NELL1: variants seen among roughly 807,000 people sequenced by gnomAD.
NELL1 encodes neural EGFL like 1.
NELL1 carries 76 observed loss-of-function variants against 107.4 expected under a neutral mutation model. That is an observed-to-expected ratio of 0.71 (90% CI 0.59 to 0.86). The LOEUF is 0.86. Ranked by LOEUF, NELL1 falls within the 40% of genes least tolerant of loss-of-function variation. The probability of loss-of-function intolerance (pLI) is 0.00; values close to 1 mark genes in which losing one functional copy is unlikely to be tolerated. For synonymous variants in NELL1, 353 were observed against 341.2 expected (o/e 1.03, Z -0.38); for missense variants, 1,024 against 1,005.5 (o/e 1.02, Z -0.25).
At chr11:20,870,577 A>T (rs572843083) in intron 4 of NELL1, among the ~76,000 whole-genome samples, 4 of 152,274 alleles carry the variant, frequency 2.6e-5, no homozygotes, top group East Asian at 3.9e-4. Flanking sequence ...GACATGGGCC[A>T]TTATAGTTTA....
At chr11:20,868,407 C>T (rs1849134051) in intron 4 of NELL1, among the ~76,000 whole-genome samples, 1 of 151,892 alleles carries the variant, frequency 6.6e-6, no homozygotes, top group Admixed American at 6.6e-5. Flanking sequence ...AAAGTTATTG[C>T]TTAATGGTTA....
intron 15 of NELL1, among the ~76,000 whole-genome samples, chr11:21,460,317 AG>A (rs1853868579): frequency 6.6e-6 from 1 of 152,104 alleles, no homozygotes; most frequent in South Asian, 2.1e-4. Flanking sequence ...GACTATCCTA[AG>A]GTGCCCTGGG....
intron 12 of NELL1, among the ~76,000 whole-genome samples, chr11:21,000,206 G>A (rs1023278391): frequency 6.6e-6 from 1 of 151,842 alleles, no homozygotes. Flanking sequence ...CACGGCACAT[G>A]TATACATATG....
At chr11:21,315,749 C>A (rs948941290) in intron 14 of NELL1, among the ~76,000 whole-genome samples, 2 of 152,122 alleles carry the variant, frequency 1.3e-5, no homozygotes, top group African/African-American at 4.8e-5. Flanking sequence ...TAATCAACAG[C>A]ATTTTCCCCC....
At chr11:21,457,244 G>A (rs1214702351) in intron 15 of NELL1, among the ~76,000 whole-genome samples, 1 of 152,124 alleles carries the variant, frequency 6.6e-6, no homozygotes, top group East Asian at 1.9e-4. Flanking sequence ...TTGGTGAAAT[G>A]TGTGGTGTTG....
chr11:20,947,356 T>A lies in NELL1; in HGVS notation c.1092T>A (p.Ile364=), dbSNP rs771361204. Residue 364 remains isoleucine, a synonymous_variant, in exon 11 of 20, where the codon ATT becomes ATA. Transcript: ENST00000357134. ...RECRGGVLVK[I]TEMCPPLNCS... is the part of the protein sequence containing the mutation. ...TCCAGGGTGGAGTTTTAGTAAAAATTACAGAAATGTGTCCTCCTTTGAACT... is the reference window on the plus strand; with the variant it reads ...TCCAGGGTGGAGTTTTAGTAAAAATAACAGAAATGTGTCCTCCTTTGAACT... The A allele has an allele frequency of 5.6e-6, 9 of 1,613,968 alleles. No individual in the cohort carries two copies. In the East Asian group the frequency reaches 2.0e-4, roughly 36 times the overall value.
At chr11:21,067,514 C>A (rs1853905483) in intron 12 of NELL1, among the ~76,000 whole-genome samples, 1 of 152,068 alleles carries the variant, frequency 6.6e-6, no homozygotes, top group Admixed American at 6.6e-5. Context: ...AGAGGAATAT[C>A]TTCAGAAATG....
chr11:20,808,407 C>T (rs1857428786), intron 3 of NELL1, among the ~76,000 whole-genome samples: 1 of 152,204 alleles, frequency 6.6e-6, no homozygotes. Flanking sequence ...GTCCTCTTCA[C>T]TCTTCCATTT....
chr11:21,510,777 T>C (rs1855415939), intron 15 of NELL1, among the ~76,000 whole-genome samples: 1 of 152,236 alleles, frequency 6.6e-6, no homozygotes, highest in African/African-American at 2.4e-5. Context: ...TCTTCTTCTA[T>C]AATATGTGAC....
chr11:21,061,627 C>A (rs1853743420), intron 12 of NELL1, among the ~76,000 whole-genome samples: 1 of 151,826 alleles, frequency 6.6e-6, no homozygotes, highest in Admixed American at 6.6e-5. Context: ...CAATTTGGTG[C>A]TGTGCTCAAG....
At chr11:21,236,083 C>T (rs931538917) in intron 14 of NELL1, among the ~76,000 whole-genome samples, 3 of 152,068 alleles carry the variant, frequency 2.0e-5, no homozygotes, top group Non-Finnish European at 4.4e-5. Flanking sequence ...GGCCCTTTCC[C>T]TCTCCTTGGG....
intron 12 of NELL1, among the ~76,000 whole-genome samples, chr11:20,966,916 C>A (rs1851398350): frequency 6.8e-6 from 1 of 147,824 alleles, no homozygotes; most frequent in African/African-American, 2.5e-5. Flanking sequence ...AAATTCAAAT[C>A]CTGGTTATTT....
At chr11:21,251,598 A>G (rs1858640074) in intron 14 of NELL1, among the ~76,000 whole-genome samples, 1 of 151,974 alleles carries the variant, frequency 6.6e-6, no homozygotes, top group South Asian at 2.1e-4. Context: ...GGGCAGCACT[A>G]GATCCACCAG....
intron 12 of NELL1, among the ~76,000 whole-genome samples, chr11:21,006,221 C>A (rs1420615174): frequency 6.6e-6 from 1 of 151,910 alleles, no homozygotes; most frequent in Non-Finnish European, 1.5e-5. Flanking sequence ...GAGGTGGAGG[C>A]TTTGGAAGGT....
At chr11:20,905,850 G>A (rs540145196) in intron 5 of NELL1, among the ~76,000 whole-genome samples, 24 of 152,088 alleles carry the variant, frequency 1.6e-4, no homozygotes, top group Non-Finnish European at 2.9e-4. Context: ...GGAGAAGATA[G>A]AAAGTACTGG....
At chr11:21,284,137 C>T (rs903111165) in intron 14 of NELL1, 15 of 422,704 alleles carry the variant, frequency 3.5e-5, no homozygotes, top group African/African-American at 1.2e-4. Context: ...TGAAGAGTAG[C>T]GTTAAAACTG....
chr11:20,874,437 A>G (rs1041107692), intron 4 of NELL1, among the ~76,000 whole-genome samples: 10 of 152,198 alleles, frequency 6.6e-5, no homozygotes, highest in African/African-American at 2.2e-4. Context: ...TTACACCTGG[A>G]TTTGAATTTA....
At chr11:21,295,581 G>T (rs910092678) in intron 14 of NELL1, among the ~76,000 whole-genome samples, 3 of 151,988 alleles carry the variant, frequency 2.0e-5, no homozygotes, top group African/African-American at 7.2e-5. Context: ...AGCCAGTTCT[G>T]GGTCATTACA....
chr11:20,773,820 C>T (rs573133384), intron 2 of NELL1, among the ~76,000 whole-genome samples: 23 of 152,128 alleles, frequency 1.5e-4, no homozygotes, highest in African/African-American at 5.3e-4. Context: ...CTTAACCAAA[C>T]AGTGAGGCTT....
Sources: allele counts gnomAD v4.1 joint callset (sites outside exome capture counted in the v4.1 genomes callset), GRCh38; gene constraint gnomAD v4.1.1; transcripts MANE v1.5; gene names NCBI Gene and HGNC (gene_info 2026-07-23, HGNC 2026-07-21).